LRP11: variants seen among roughly 807,000 people sequenced by gnomAD.
LRP11 encodes the protein low-density lipoprotein receptor-related protein 11.
LRP11 carries 25 observed loss-of-function variants against 43.1 expected under a neutral mutation model. The observed-to-expected ratio is 0.58, with a 90% confidence interval of 0.42 to 0.81. LRP11 has a LOEUF of 0.81. Ranked by LOEUF, LRP11 falls within the 30% of genes least tolerant of loss-of-function variation. The pLI is 0.00. For missense variants in LRP11, 623 were observed against 665.1 expected, an observed-to-expected ratio of 0.94 and a Z score of 0.70; for synonymous variants, 316 against 299.4, an observed-to-expected ratio of 1.06 and a Z score of -0.57.
chr6:149,842,508 G>A (rs544488611), intron 3 of LRP11: 18 of 752,222 alleles, frequency 2.4e-5, no homozygotes, highest in African/African-American at 1.9e-4. Flanking sequence ...CTGTTCCTCC[G>A]GTCTCAGTGA....
Position 149,827,313 on chromosome 6 carries a change from C to G in LRP11, c.1253-954G>C, listed in dbSNP as rs972734210. Reference sequence around the variant, plus strand: ...CAATGAATTAGAAATAATCTACTGACAAATTTTATTGAGAAAATTTTTAAA... The same window carrying G: ...CAATGAATTAGAAATAATCTACTGAGAAATTTTATTGAGAAAATTTTTAAA... On this transcript the variant is annotated intron_variant, in intron 5 of 6. Transcript: ENST00000239367. The surrounding 1 kb of genome is among the most constrained non-coding windows in gnomAD (Gnocchi z 4.2). Among the ~76,000 whole-genome samples, 5 of 152,166 alleles carry G rather than the reference C, an allele frequency of 3.3e-5. No homozygotes were observed. The highest frequency in any genetic ancestry group is 5.9e-5 in the Non-Finnish European group (4 of 68,032).
At chr6:149,862,878 C>A (rs1210836457) in intron 1 of LRP11, among the ~76,000 whole-genome samples, 1 of 152,090 alleles carries the variant, frequency 6.6e-6, no homozygotes, top group African/African-American at 2.4e-5. Flanking sequence ...CCACGCCCGG[C>A]CTTAAAGTTT....
chr6:149,858,388 T>C (rs1344072504), intron 1 of LRP11, among the ~76,000 whole-genome samples: 1 of 152,232 alleles, frequency 6.6e-6, no homozygotes, highest in Non-Finnish European at 1.5e-5. Flanking sequence ...CCTTTTTTTA[T>C]GGCTGCACAG....
At chr6:149,853,362 G>C (rs1295846998) in intron 1 of LRP11, among the ~76,000 whole-genome samples, 1 of 152,026 alleles carries the variant, frequency 6.6e-6, no homozygotes, top group Admixed American at 6.6e-5. Context: ...TGGAGTGTTG[G>C]CTGGTAGCGA....
chr6:149,854,265 T>C (rs865821220), intron 1 of LRP11, among the ~76,000 whole-genome samples: 14 of 152,156 alleles, frequency 9.2e-5, no homozygotes, highest in East Asian at 1.9e-4. Context: ...GGACTGCAGG[T>C]GTGTGCTAAC....
chr6:149,843,430 A>AG, intron 2 of LRP11, among the ~76,000 whole-genome samples: 1 of 152,086 alleles, frequency 6.6e-6, no homozygotes, highest in East Asian at 1.9e-4. Context: ...CCGTCTCAGC[A>AG]GGGGGACTCA....
In LRP11 at chr6:149,844,480, G is replaced by A. The variant is rs9478948; in HGVS notation, c.772-1356C>T. ...CATTCACAGGCAGCTTGCTGAGCAT[G>A]CTGGAACAACAGCTTCTGAAGCTCA... On this transcript the variant is annotated intron_variant, in intron 2 of 6. Transcript: ENST00000239367. 5.0e-3 allele frequency among the ~76,000 whole-genome samples: 762 copies of A among 152,318 alleles called. 4 individuals carry two copies. The highest frequency in any genetic ancestry group is 0.018 in the African/African-American group (734 of 41,564).
Position 149,843,166 on chromosome 6 carries a change from G to A in LRP11, c.772-42C>T, listed in dbSNP as rs772901899. Reference sequence around the variant, plus strand: ...ACACATCACGTCGAGCAGCAGACTTGAGCTCCGAGCCCAACACCATCCTCA... The same window carrying A: ...ACACATCACGTCGAGCAGCAGACTTAAGCTCCGAGCCCAACACCATCCTCA... On this transcript the variant is annotated intron_variant, in intron 2 of 6. Transcript: ENST00000239367. The A allele has an allele frequency of 3.7e-6, 6 of 1,612,696 alleles. No individual in the cohort carries two copies. In the East Asian group the frequency reaches 1.1e-4, roughly 30 times the overall value.
At chr6:149,839,686 G>A (rs1776520239) in intron 3 of LRP11, among the ~76,000 whole-genome samples, 2 of 151,936 alleles carry the variant, frequency 1.3e-5, no homozygotes, top group South Asian at 2.1e-4. Context: ...ACGGAGTCTC[G>A]CTGTGTCGCC....
intron 2 of LRP11, among the ~76,000 whole-genome samples, chr6:149,844,250 CAA>C (rs5880856): frequency 8.0e-5 from 10 of 125,086 alleles, no homozygotes; most frequent in Admixed American, 3.2e-4. Flanking sequence ...GACTCCATCT[CAA>C]AAAAAAAAAA....
chr6:149,855,676 C>A (rs1358029731), intron 1 of LRP11, among the ~76,000 whole-genome samples: 1 of 149,808 alleles, frequency 6.7e-6, no homozygotes, highest in Admixed American at 6.7e-5. Context: ...AATGCTGCTG[C>A]CAGCCACAAA....
At chr6:149,837,521 G>C in intron 3 of LRP11, 58 bp from the exon 4 acceptor site, 3 of 1,570,814 alleles carry the variant, frequency 1.9e-6, no homozygotes, top group South Asian at 1.1e-5. Context: ...CTCAAGATGG[G>C]GATGACAAAG....
intron 5 of LRP11, among the ~76,000 whole-genome samples, chr6:149,834,767 C>G (rs541982431): frequency 6.6e-6 from 1 of 152,184 alleles, no homozygotes; most frequent in Non-Finnish European, 1.5e-5. Context: ...CATTCTTAAC[C>G]AAAACTCAGA....
In LRP11 at chr6:149,842,990, G is replaced by A. The variant is rs1238737462; in HGVS notation, c.906C>T (p.Ser302=). Residue 302 remains serine (S), a synonymous_variant, in exon 3 of 7, where the codon TCC becomes TCT. Transcript: ENST00000239367. The part of the protein sequence containing the change: ...VSVTVLRAAY[S]TGGCLHTCSR... ...GAAGGACTTTCTTCTCACCTCCTGTGGAGTAGGCTGCGCGAAGCACTGTCA... is the reference window on the plus strand; with the variant it reads ...GAAGGACTTTCTTCTCACCTCCTGTAGAGTAGGCTGCGCGAAGCACTGTCA... 2.5e-6 allele frequency: 4 copies of A among 1,614,208 alleles called. No individual in the cohort carries two copies. In the African/African-American group the frequency reaches 4.0e-5, roughly 16 times the overall value.
intron 2 of LRP11, among the ~76,000 whole-genome samples, chr6:149,844,250 C>CA (rs5880856): frequency 0.27 from 33,516 of 124,912 alleles, 3,999 homozygotes; most frequent in East Asian, 0.35. Flanking sequence ...GACTCCATCT[C>CA]AAAAAAAAAA....
At chr6:149,849,115 C>T (rs946873123) in intron 2 of LRP11, among the ~76,000 whole-genome samples, 18 of 152,100 alleles carry the variant, frequency 1.2e-4, no homozygotes, top group Non-Finnish European at 2.6e-4. Flanking sequence ...TATAGCAGAC[C>T]AAATGGACTA....
intron 2 of LRP11, 25 bp from the exon 3 acceptor site, chr6:149,843,149 C>T (rs771365648): frequency 8.7e-6 from 14 of 1,613,564 alleles, no homozygotes; most frequent in African/African-American, 6.7e-5. Flanking sequence ...GGACACATCA[C>T]GTCGAGCAGC....
At position 149,836,129 on chromosome 6, in the gene LRP11, G is replaced by C; in HGVS notation, c.1208C>G (p.Ser403Cys). ...TTGACTCTCTGGTCCCCAAAAGGCG[G>C]AATGATTCCTCTTCTCTGTGTTTGA... ...ALSNTEKRNH[S>C]AFWGPESQII... Residue 403 changes from serine to cysteine, a missense_variant, in exon 5 of 7, where the codon TCC (serine) becomes TGC (cysteine). Ser to Cys is a moderately radical substitution (Grantham distance 112). Coordinates refer to ENST00000239367, the MANE Select transcript of LRP11 (RefSeq NM_032832.6). 6.2e-7 allele frequency: 1 copy of C among 1,614,110 alleles called. No individual in the cohort carries two copies. Among genetic ancestry groups the C allele is most frequent in the Non-Finnish European group, 8.5e-7 (1 of 1,180,042 alleles).
Position 149,863,895 on chromosome 6 carries a change from C to A in LRP11, c.126G>T (p.Ala42=), listed in dbSNP as rs371377255. ...GCGCGTGCAGTTCGGACAGCGGCGC[C>A]GCGGGCGGCAAGGCCGCACGGCCGC... ...LPSGRAALPP[A]APLSELHAQL... is the part of the protein sequence containing the mutation. Residue 42 remains alanine (A), a synonymous_variant, in exon 1 of 7, where the codon GCG becomes GCT. Coordinates refer to ENST00000239367, the MANE Select transcript of LRP11 (RefSeq NM_032832.6). 2 of 1,490,018 alleles carry A rather than the reference C, an allele frequency of 1.3e-6. No homozygotes were observed. Among genetic ancestry groups the A allele is most frequent in the Admixed American group, 4.4e-5 (2 of 45,444 alleles). The allele number at this position is 1,490,018 out of a possible 1,614,324, so 92.3% of individuals were successfully genotyped here.
Sources: allele counts gnomAD v4.1 joint callset (sites outside exome capture counted in the v4.1 genomes callset), GRCh38; gene constraint gnomAD v4.1.1; non-coding constraint Gnocchi (gnomAD v3.1); transcripts MANE v1.5; gene names NCBI Gene and HGNC (gene_info 2026-07-23, HGNC 2026-07-21).